PSMA1: variants seen among roughly 807,000 people sequenced by gnomAD.
PSMA1 encodes proteasome 20S subunit alpha 1, also known as proteasome subunit alpha type-1.
PSMA1 carries 3 observed loss-of-function variants against 38.4 expected under a neutral mutation model. The ratio of observed to expected loss-of-function variants is 0.08; its 90% CI spans 0.04 to 0.20. The LOEUF (loss-of-function observed/expected upper bound fraction) is 0.20. Among genes scored for constraint, PSMA1 ranks in the 10% least tolerant of loss-of-function variants. PSMA1 has a pLI of 1.00. For synonymous variants in PSMA1, 101 were observed against 107.1 expected (o/e 0.94, Z 0.35); for missense variants, 227 against 325.3 (o/e 0.70, Z 2.32).
intron 2 of PSMA1, among the ~76,000 whole-genome samples, chr11:14,568,666 G>C (rs889607391): frequency 4.6e-5 from 7 of 152,190 alleles, no homozygotes; most frequent in Non-Finnish European, 8.8e-5. Context: ...GAGTTGCCAG[G>C]CTTAAAGAAC....
chr11:14,565,411 T>C (rs994702731), intron 2 of PSMA1, among the ~76,000 whole-genome samples: 2 of 152,220 alleles, frequency 1.3e-5, no homozygotes, highest in Non-Finnish European at 2.9e-5. Flanking sequence ...TTGTTATATT[T>C]CCTTCATTTG....
intron 2 of PSMA1, among the ~76,000 whole-genome samples, chr11:14,564,070 CT>C (rs1350482046): frequency 2.0e-5 from 3 of 152,108 alleles, no homozygotes; most frequent in Admixed American, 2.0e-4. Flanking sequence ...CCAATTACCC[CT>C]AATGGTAAAC....
chr11:14,596,598 T>A (rs1359462451), intron 2 of PSMA1, among the ~76,000 whole-genome samples: 1 of 152,248 alleles, frequency 6.6e-6, no homozygotes, highest in Non-Finnish European at 1.5e-5. Flanking sequence ...TGATTTTGTA[T>A]CCTGAGACTT....
At chr11:14,603,731 T>C (rs1254009616) in intron 2 of PSMA1, among the ~76,000 whole-genome samples, 2 of 152,236 alleles carry the variant, frequency 1.3e-5, no homozygotes, top group Non-Finnish European at 2.9e-5. Flanking sequence ...CTTAAGCTGG[T>C]TGACTGTTTA....
chr11:14,630,427 TG>T (rs1424618958), intron 1 of PSMA1, among the ~76,000 whole-genome samples: 1 of 152,252 alleles, frequency 6.6e-6, no homozygotes, highest in East Asian at 1.9e-4. Flanking sequence ...GATAATCATC[TG>T]GTTTTTGTCT....
intron 2 of PSMA1, among the ~76,000 whole-genome samples, chr11:14,536,713 G>C (rs377718265): frequency 6.3e-4 from 96 of 152,170 alleles, no homozygotes; most frequent in African/African-American, 2.3e-3. Flanking sequence ...CTGAGTTCAT[G>C]CCATTCTCCT....
At position 14,643,245 on chromosome 11, in the gene PSMA1, T is replaced by C. The variant is rs1032424424; in HGVS notation, c.-166+210A>G. On this transcript the variant is annotated intron_variant, in intron 1 of 10. Coordinates refer to the PSMA1 transcript ENST00000418988. ...ATCTAGCCACAGCGATTAGGGTTTC[T>C]TCGCCATGGCCTTGGTGGTGGCTGG... 6.6e-5 allele frequency among the ~76,000 whole-genome samples: 10 copies of C among 151,940 alleles called. 1 individual carries two copies. The highest frequency in any genetic ancestry group is 2.4e-4 in the African/African-American group (10 of 41,388).
intron 2 of PSMA1, among the ~76,000 whole-genome samples, chr11:14,592,268 A>C (rs1336714484): frequency 1.3e-5 from 2 of 152,088 alleles, no homozygotes; most frequent in Non-Finnish European, 2.9e-5. Flanking sequence ...AATTCCGGAC[A>C]CACCAGGACC....
intron 1 of PSMA1, among the ~76,000 whole-genome samples, chr11:14,630,627 T>C (rs988101056): frequency 5.9e-5 from 9 of 151,582 alleles, no homozygotes; most frequent in African/African-American, 2.2e-4. Flanking sequence ...TAAAATTCTC[T>C]TTTTTTGTTG....
intron 2 of PSMA1, among the ~76,000 whole-genome samples, chr11:14,578,856 G>A (rs1231980844): frequency 6.6e-6 from 1 of 152,230 alleles, no homozygotes; most frequent in Non-Finnish European, 1.5e-5. Context: ...TGTTTCACCA[G>A]AGTGTCTATG....
At chr11:14,613,413 A>C (rs1032803682) in intron 1 of PSMA1, among the ~76,000 whole-genome samples, 5 of 151,242 alleles carry the variant, frequency 3.3e-5, no homozygotes, top group Non-Finnish European at 7.4e-5. Context: ...CAACATGCCC[A>C]GCTAAATTTT....
At chr11:14,611,227 A>G (rs1222712535) in intron 1 of PSMA1, 1 of 481,780 alleles carries the variant, frequency 2.1e-6, no homozygotes, top group Non-Finnish European at 3.7e-6. Flanking sequence ...CCTCATCTCA[A>G]ACTCACCAAA....
At chr11:14,563,323 T>G (rs1460526066) in intron 2 of PSMA1, among the ~76,000 whole-genome samples, 1 of 152,220 alleles carries the variant, frequency 6.6e-6, no homozygotes, top group Non-Finnish European at 1.5e-5. Flanking sequence ...GGACAGTGTT[T>G]GAGTAGTGAC....
At chr11:14,550,180 A>C (rs974723738) in intron 2 of PSMA1, among the ~76,000 whole-genome samples, 1 of 152,246 alleles carries the variant, frequency 6.6e-6, no homozygotes, top group Non-Finnish European at 1.5e-5. Context: ...GTTTACGTGA[A>C]AAAGCGTCCT....
intron 2 of PSMA1, among the ~76,000 whole-genome samples, chr11:14,592,155 C>T (rs539885959): frequency 8.6e-4 from 131 of 152,234 alleles, no homozygotes; most frequent in African/African-American, 2.9e-3. Flanking sequence ...ATCATCTGAA[C>T]ATCAGAAGGA....
At chr11:14,526,059 A>G (rs964805398) in intron 2 of PSMA1, among the ~76,000 whole-genome samples, 8 of 152,130 alleles carry the variant, frequency 5.3e-5, no homozygotes, top group Non-Finnish European at 1.2e-4. Context: ...CTACCTCAGC[A>G]TAACTCTTCA....
chr11:14,522,084 A>G (rs560707737), upstream of PSMA1, among the ~76,000 whole-genome samples: 2 of 152,332 alleles, frequency 1.3e-5, no homozygotes, highest in African/African-American at 4.8e-5. Context: ...CTTTCCATAT[A>G]TATCTCTCTA....
At chr11:14,604,468 C>A (rs1179088823) in intron 2 of PSMA1, among the ~76,000 whole-genome samples, 1 of 152,066 alleles carries the variant, frequency 6.6e-6, no homozygotes, top group African/African-American at 2.4e-5. Flanking sequence ...GGGGCACATG[C>A]AATTTTAGTC....
chr11:14,526,086 C>G (rs927552741), intron 2 of PSMA1, among the ~76,000 whole-genome samples: 1 of 152,168 alleles, frequency 6.6e-6, no homozygotes, highest in Non-Finnish European at 1.5e-5. Context: ...CACACGTGCT[C>G]TCCCTGCCGA....
Sources: allele counts gnomAD v4.1 joint callset (sites outside exome capture counted in the v4.1 genomes callset), GRCh38; gene constraint gnomAD v4.1.1; transcripts MANE v1.5; gene names NCBI Gene and HGNC (gene_info 2026-07-23, HGNC 2026-07-21).